Variants in MAST4 observed in about 807,000 individuals in gnomAD.
The protein encoded by MAST4 is microtubule-associated serine/threonine-protein kinase 4.
MAST4 carries 89 observed loss-of-function variants against 162.7 expected under a neutral mutation model. The ratio of observed to expected loss-of-function variants is 0.55; its 90% CI spans 0.46 to 0.65. MAST4 has a LOEUF of 0.65. Ranked by LOEUF, MAST4 falls within the 30% of genes least tolerant of loss-of-function variation. The probability of loss-of-function intolerance (pLI) is 0.00; values close to 1 mark genes in which losing one functional copy is unlikely to be tolerated. For synonymous variants in MAST4, 1,479 were observed against 1,361.1 expected (o/e 1.09, Z -1.91); for missense variants, 3,153 against 3,374.0 (o/e 0.93, Z 1.62).
intron 4 of MAST4, among the ~76,000 whole-genome samples, chr5:66,953,320 T>A (rs1299127965): frequency 6.6e-6 from 1 of 152,096 alleles, no homozygotes; most frequent in Non-Finnish European, 1.5e-5. Flanking sequence ...ATCTGAGAAA[T>A]CAAAACTCGT....
intron 4 of MAST4, among the ~76,000 whole-genome samples, chr5:67,049,031 A>ATATATACG (rs1757780077): frequency 8.7e-6 from 1 of 115,208 alleles, no homozygotes; most frequent in Non-Finnish European, 1.8e-5. Flanking sequence ...ACGTATATAT[A>ATATATACG]TATATATATA....
chr5:66,683,717 C>T (rs529722599), intron 1 of MAST4, among the ~76,000 whole-genome samples: 4 of 152,292 alleles, frequency 2.6e-5, no homozygotes, highest in South Asian at 2.1e-4. Context: ...AGAGGATTAC[C>T]TGAGACTGGG....
intron 1 of MAST4, among the ~76,000 whole-genome samples, chr5:66,697,703 A>G (rs973789136): frequency 1.1e-4 from 17 of 152,206 alleles, no homozygotes; most frequent in African/African-American, 4.1e-4. Context: ...CATTATGCTA[A>G]CATGTAATAG....
At chr5:66,680,365 G>A (rs1748248518) in intron 1 of MAST4, among the ~76,000 whole-genome samples, 1 of 152,146 alleles carries the variant, frequency 6.6e-6, no homozygotes, top group South Asian at 2.1e-4. Flanking sequence ...TATCTGTGCT[G>A]TCATTCATTG....
At chr5:66,959,129 C>A (rs1285306870) in intron 4 of MAST4, 2 of 717,686 alleles carry the variant, frequency 2.8e-6, no homozygotes, top group African/African-American at 3.5e-5. Context: ...CCCCCTCCCC[C>A]TCGAGAGAGT....
intron 1 of MAST4, among the ~76,000 whole-genome samples, chr5:66,646,864 G>C (rs1648727410): frequency 6.6e-6 from 1 of 152,202 alleles, no homozygotes; most frequent in African/African-American, 2.4e-5. Flanking sequence ...AGGTTTCTCT[G>C]TAATGCTGGG....
intron 4 of MAST4, among the ~76,000 whole-genome samples, chr5:66,905,989 C>G (rs556693681): frequency 6.6e-6 from 1 of 152,290 alleles, no homozygotes; most frequent in Non-Finnish European, 1.5e-5. Flanking sequence ...GGAAGAGATT[C>G]TCTATAGAAT....
At chr5:66,745,182 C>T (rs1752679846) in intron 1 of MAST4, among the ~76,000 whole-genome samples, 1 of 152,178 alleles carries the variant, frequency 6.6e-6, no homozygotes, top group South Asian at 2.1e-4. Flanking sequence ...GATGAAGTCC[C>T]AGCTGTGGGC....
chr5:66,859,678 G>GGCTTGT (rs1313171205), intron 3 of MAST4, among the ~76,000 whole-genome samples: 1 of 152,234 alleles, frequency 6.6e-6, no homozygotes, highest in Admixed American at 6.5e-5. Flanking sequence ...GCTGGGTGAA[G>GGCTTGT]GCTTGTCATT....
intron 19 of MAST4, among the ~76,000 whole-genome samples, chr5:67,137,920 A>G (rs1769873786): frequency 6.6e-6 from 1 of 152,240 alleles, no homozygotes; most frequent in South Asian, 2.1e-4. Flanking sequence ...CCTGCATTAG[A>G]GAATCCAAGA....
At chr5:66,908,290 A>G (rs1763519432) in intron 4 of MAST4, among the ~76,000 whole-genome samples, 1 of 152,180 alleles carries the variant, frequency 6.6e-6, no homozygotes, top group African/African-American at 2.4e-5. Context: ...TGTAGGATTG[A>G]TCTTCTTACC....
intron 3 of MAST4, among the ~76,000 whole-genome samples, chr5:66,821,578 A>G (rs1580535770): frequency 6.6e-6 from 1 of 152,210 alleles, no homozygotes; most frequent in East Asian, 1.9e-4. Flanking sequence ...TAATAACAGC[A>G]GGCGGTAGTA....
intron 3 of MAST4, among the ~76,000 whole-genome samples, chr5:66,888,055 AT>A (rs929069179): frequency 8.5e-5 from 13 of 152,150 alleles, no homozygotes; most frequent in Non-Finnish European, 7.4e-5. Context: ...AAAAAAAAAA[AT>A]AAAAATAAAA....
chr5:67,080,996 ATT>A lies in MAST4; in HGVS notation c.764-9165_764-9164del, dbSNP rs1491298714. On this transcript the variant is annotated intron_variant, in intron 5 of 28. Coordinates refer to ENST00000403625, the MANE Select transcript of MAST4 (RefSeq NM_001164664.2). The stretch of plus-strand genomic sequence containing the variant: ...TTATATAATATATATAATTGTATAT[ATT>A]ATATAATATAATATATAATTGTATA... Among the ~76,000 whole-genome samples, 17 of 131,828 alleles carry A rather than the reference ATT, an allele frequency of 1.3e-4. No homozygotes were observed. The East Asian group carries it at 3.0e-3, about 23-fold the overall frequency. 86.5% of individuals were successfully genotyped at this position (131,828 alleles called of 152,430 possible). A position where few individuals can be genotyped will look rare whatever the true frequency, so the allele number is the denominator to read the frequency against.
intron 3 of MAST4, among the ~76,000 whole-genome samples, chr5:66,804,955 T>C (rs937250796): frequency 6.6e-6 from 1 of 152,214 alleles, no homozygotes. Context: ...CTTAATATTG[T>C]TTAGTTTTGT....
intron 3 of MAST4, among the ~76,000 whole-genome samples, chr5:66,812,423 C>T (rs577382606): frequency 2.6e-4 from 40 of 152,260 alleles, no homozygotes; most frequent in African/African-American, 7.0e-4. Flanking sequence ...GAACACTTAT[C>T]GTCTGTCCTC....
At chr5:66,634,914 C>T (rs1194130338) in intron 1 of MAST4, among the ~76,000 whole-genome samples, 4 of 152,178 alleles carry the variant, frequency 2.6e-5, no homozygotes, top group Admixed American at 1.3e-4. Flanking sequence ...TTCAGGGCTC[C>T]CTGGTGGTCC....
intron 3 of MAST4, among the ~76,000 whole-genome samples, chr5:66,859,318 C>T (rs1022662976): frequency 6.6e-6 from 1 of 152,074 alleles, no homozygotes; most frequent in African/African-American, 2.4e-5. Context: ...TGGTAATTAC[C>T]ATTCTACCTT....
chr5:67,131,970 T>C lies in MAST4; in HGVS notation c.2093+19T>C. ...CAGACAAGTATGTACACAAATGAAA[T>C]ATATGTCTTCTTTTGCCCAATACAA... On this transcript the variant is annotated intron_variant, in intron 16 of 28. Coordinates refer to ENST00000403625, the MANE Select transcript of MAST4 (RefSeq NM_001164664.2). 1.2e-6 allele frequency: 2 copies of C among 1,605,698 alleles called. No homozygotes were observed. The highest frequency in any genetic ancestry group is 1.7e-6 in the Non-Finnish European group (2 of 1,175,010).
Sources: allele counts gnomAD v4.1 joint callset (sites outside exome capture counted in the v4.1 genomes callset), GRCh38; gene constraint gnomAD v4.1.1; transcripts MANE v1.5; gene names NCBI Gene and HGNC (gene_info 2026-07-23, HGNC 2026-07-21).